SCARB2: variants seen among roughly 807,000 people sequenced by gnomAD.
SCARB2 encodes scavenger receptor class B member 2.
In SCARB2, 29 loss-of-function variants were observed where a neutral mutation model predicts 58.6. The ratio of observed to expected loss-of-function variants is 0.49; its 90% CI spans 0.37 to 0.67. SCARB2 has a LOEUF of 0.67. Among genes scored for constraint, SCARB2 ranks in the 30% least tolerant of loss-of-function variants. The pLI, the probability that SCARB2 is intolerant of heterozygous loss-of-function variation, is 0.00. For synonymous variants in SCARB2, 195 were observed against 210.1 expected (o/e 0.93, Z 0.62); for missense variants, 488 against 578.5 (o/e 0.84, Z 1.60).
chr4:76,217,441 A>AG (rs1733227468), upstream of SCARB2: 1 of 400,398 alleles, frequency 2.5e-6, no homozygotes, highest in Admixed American at 4.3e-5. Flanking sequence ...GTTCATGAAT[A>AG]GATTAATGCC....
intron 4 of SCARB2, among the ~76,000 whole-genome samples, chr4:76,178,137 T>C (rs1259974323): frequency 6.6e-6 from 1 of 152,216 alleles, no homozygotes; most frequent in Non-Finnish European, 1.5e-5. Flanking sequence ...TAGCCCTATT[T>C]TCAATTAAGG....
intron 1 of SCARB2, among the ~76,000 whole-genome samples, chr4:76,220,130 C>A (rs966734870): frequency 2.0e-5 from 3 of 152,134 alleles, no homozygotes; most frequent in African/African-American, 7.2e-5. Flanking sequence ...ACAGAATTAT[C>A]ATATGACCTA....
chr4:76,159,697 G>C lies in SCARB2; in HGVS notation c.*2016C>G, dbSNP rs1731855048. 1 of 152,310 alleles carries C rather than the reference G, an allele frequency of 6.6e-6. No homozygotes were observed. Among genetic ancestry groups the C allele is most frequent in the South Asian group, 2.1e-4 (1 of 4,826 alleles). The allele number at this position is 152,310 out of a possible 1,614,324, so 9.4% of individuals were successfully genotyped here. ...AGATCATGCCACTGTACTCCAGCCT[G>C]GCGACAGAGTGAGACTCTCTCAAAA... On this transcript the variant is annotated 3_prime_UTR_variant, in exon 12 of 12. Transcript: ENST00000264896.
chr4:76,187,906 C>A (rs577431623), intron 2 of SCARB2, among the ~76,000 whole-genome samples: 7 of 152,062 alleles, frequency 4.6e-5, no homozygotes, highest in South Asian at 4.2e-4. Context: ...ATTTGAAAAT[C>A]CAGTATTACT....
chr4:76,212,904 T>C (rs968209787), intron 1 of SCARB2, among the ~76,000 whole-genome samples: 4 of 152,166 alleles, frequency 2.6e-5, no homozygotes, highest in African/African-American at 9.7e-5. Flanking sequence ...GACTGATGGA[T>C]GAATTGTCAC....
rs2109928330 is a variant in SCARB2 at position 76,159,322 on chromosome 4, G to A, written c.*2391C>T. 6.6e-6 allele frequency: 1 copy of A among 152,308 alleles called. No homozygotes were observed. Among genetic ancestry groups the A allele is most frequent in the South Asian group, 2.1e-4 (1 of 4,816 alleles). 9.4% of individuals were successfully genotyped at this position (152,308 alleles called of 1,614,324 possible). A position where few individuals can be genotyped will look rare whatever the true frequency, so the allele number is the denominator to read the frequency against. On this transcript the variant is annotated 3_prime_UTR_variant, in exon 12 of 12. Transcript: ENST00000264896. The stretch of plus-strand genomic sequence containing the variant: ...TTCATCTTCAACTTAAAGCCAAATA[G>A]GTGCATTCATTCCTCTTAATCTATA...
chr4:76,187,414 A>T (rs1319136569), intron 2 of SCARB2, among the ~76,000 whole-genome samples: 1 of 152,222 alleles, frequency 6.6e-6, no homozygotes, highest in Non-Finnish European at 1.5e-5. Flanking sequence ...GCTGGCAAAC[A>T]TGAGGAGAAC....
chr4:76,230,695 C>T (rs2083654), intron 1 of SCARB2, among the ~76,000 whole-genome samples: 1,968 of 152,090 alleles, frequency 0.013, 38 homozygotes, highest in African/African-American at 0.043. Flanking sequence ...CTTCCATCCC[C>T]GAGTCCAGGC....
intron 1 of SCARB2, among the ~76,000 whole-genome samples, chr4:76,196,367 A>G (rs1336146507): frequency 6.6e-6 from 1 of 152,218 alleles, no homozygotes; most frequent in South Asian, 2.1e-4. Context: ...TAAATTAACT[A>G]GTTAATTAAT....
At chr4:76,226,710 C>A (rs1733404851) in intron 1 of SCARB2, among the ~76,000 whole-genome samples, 1 of 152,184 alleles carries the variant, frequency 6.6e-6, no homozygotes, top group African/African-American at 2.4e-5. Flanking sequence ...CTGCTTGTTA[C>A]TGGTCTGTTC....
chr4:76,205,186 T>G (rs1732904507), intron 1 of SCARB2, among the ~76,000 whole-genome samples: 1 of 151,972 alleles, frequency 6.6e-6, no homozygotes, highest in African/African-American at 2.4e-5. Flanking sequence ...AAAATTAGCC[T>G]GGCATGGTGC....
chr4:76,167,685 T>TC (rs1732039763), intron 9 of SCARB2, among the ~76,000 whole-genome samples: 1 of 32,900 alleles, frequency 3.0e-5, no homozygotes, highest in African/African-American at 1.9e-4. Context: ...CCCCCCCCGC[T>TC]TTTTTTTTTT....
intron 7 of SCARB2, chr4:76,173,789 G>GAA: frequency 5.7e-5 from 17 of 299,208 alleles, no homozygotes; most frequent in East Asian, 2.6e-4. Flanking sequence ...CCACTGTCCA[G>GAA]AAAAAAAAAC....
chr4:76,212,901 G>A (rs1733086582), intron 1 of SCARB2, among the ~76,000 whole-genome samples: 1 of 152,214 alleles, frequency 6.6e-6, no homozygotes, highest in Non-Finnish European at 1.5e-5. Flanking sequence ...AAAGACTGAT[G>A]GATGAATTGT....
At position 76,179,630 on chromosome 4, in the gene SCARB2, G is replaced by A; in HGVS notation, c.499C>T (p.Leu167Phe). 14 of 1,614,012 alleles carry A rather than the reference G, an allele frequency of 8.7e-6. No homozygotes were observed. The highest frequency in any genetic ancestry group is 1.1e-5 in the Non-Finnish European group (13 of 1,179,850). ...TCGTCAACTGTGTGAGTCACAAAGA[G>A]CTTCTGCTGATAGGCTTTCAACATG... is the stretch of plus-strand genomic sequence containing the variant. Reference protein sequence around the residue: ...EAMLKAYQQKLFVTHTVDELL... With the variant: ...EAMLKAYQQKFFVTHTVDELL... The change falls in exon 4 of 12, where the codon CTC (leucine) becomes TTC (phenylalanine). Residue 167 changes from leucine to phenylalanine, a missense_variant. By Grantham distance (22) the Leu-to-Phe change is conservative (BLOSUM62 0). Transcript: ENST00000264896.
rs1732013367 is a variant in SCARB2, at chr4:76,166,568, A to G, written c.1188-267T>C. ...GATGACTAGTCTCCTTAGAGTCATC[A>G]GGGAAGGCTCCAGTCGACAGAACAA... On this transcript the variant is annotated intron_variant, in intron 9 of 11. Coordinates refer to ENST00000264896, the MANE Select transcript of SCARB2 (RefSeq NM_005506.4). The G allele has an allele frequency of 5.6e-6, 3 of 539,374 alleles. No individual in the cohort carries two copies. In the South Asian group the frequency reaches 6.2e-5, roughly 11 times the overall value. 33.4% of individuals were successfully genotyped at this position (539,374 alleles called of 1,614,324 possible).
intron 10 of SCARB2, chr4:76,163,613 G>A: frequency 1.7e-6 from 1 of 578,374 alleles, no homozygotes; most frequent in Non-Finnish European, 3.1e-6. Flanking sequence ...TTGGAAAAAG[G>A]AGGTAAAATG....
intron 1 of SCARB2, among the ~76,000 whole-genome samples, chr4:76,205,156 T>C (rs1732903854): frequency 6.6e-6 from 1 of 151,898 alleles, no homozygotes. Flanking sequence ...CAAGACCCCA[T>C]CTCTACAAAA....
intron 1 of SCARB2, among the ~76,000 whole-genome samples, chr4:76,198,873 T>TGTGTGC (rs1012623931): frequency 3.3e-5 from 5 of 150,398 alleles, no homozygotes; most frequent in Admixed American, 6.6e-5. Context: ...TGTGTGTGTG[T>TGTGTGC]GCTCATGCGA....
Sources: allele counts gnomAD v4.1 joint callset (sites outside exome capture counted in the v4.1 genomes callset), GRCh38; gene constraint gnomAD v4.1.1; transcripts MANE v1.5; gene names NCBI Gene and HGNC (gene_info 2026-07-23, HGNC 2026-07-21).